Variants in STOX2 observed in about 807,000 individuals in gnomAD.
STOX2 encodes storkhead-box protein 2.
In STOX2, 28 loss-of-function variants were observed where a neutral mutation model predicts 60.9. The observed-to-expected ratio is 0.46, with a 90% CI of 0.34 to 0.63. The LOEUF (loss-of-function observed/expected upper bound fraction) is 0.63. Ranked by LOEUF, STOX2 falls within the 30% of genes least tolerant of loss-of-function variation. The pLI, the probability that STOX2 is intolerant of heterozygous loss-of-function variation, is 0.01. For synonymous variants in STOX2, 472 were observed against 463.9 expected (o/e 1.02, Z -0.22); for missense variants, 1,024 against 1,187.7 (o/e 0.86, Z 2.03).
intron 1 of STOX2, among the ~76,000 whole-genome samples, chr4:183,833,044 T>C (rs903039612): frequency 6.6e-6 from 1 of 152,252 alleles, no homozygotes; most frequent in African/African-American, 2.4e-5. Flanking sequence ...TTACCAAATA[T>C]GGATTATCCA....
intron 1 of STOX2, among the ~76,000 whole-genome samples, chr4:183,951,249 C>A (rs918292864): frequency 2.7e-5 from 4 of 150,108 alleles, no homozygotes; most frequent in African/African-American, 9.8e-5. Context: ...GACAGTAGTG[C>A]AAAGGCTTTG....
chr4:183,937,304 A>T (rs568621811), intron 1 of STOX2, among the ~76,000 whole-genome samples: 1 of 152,214 alleles, frequency 6.6e-6, no homozygotes, highest in Admixed American at 6.5e-5. Context: ...CTCCTAGTTA[A>T]TGTCAGTTTC....
chr4:183,972,317 G>T (rs1743767704), intron 1 of STOX2, among the ~76,000 whole-genome samples: 1 of 152,154 alleles, frequency 6.6e-6, no homozygotes, highest in African/African-American at 2.4e-5. Flanking sequence ...GGCTGAGCAA[G>T]GCAACTAAAC....
At chr4:183,872,293 T>A (rs1194390488) in intron 1 of STOX2, among the ~76,000 whole-genome samples, 1 of 152,174 alleles carries the variant, frequency 6.6e-6, no homozygotes, top group African/African-American at 2.4e-5. Flanking sequence ...TGACCTCAGG[T>A]GATCCTCCTG....
chr4:183,852,151 GA>G (rs1740160225), intron 1 of STOX2, among the ~76,000 whole-genome samples: 1 of 146,130 alleles, frequency 6.8e-6, no homozygotes, highest in Admixed American at 6.7e-5. Context: ...GAAAGGATGA[GA>G]GAAAGGATGA....
chr4:183,858,410 T>G (rs536912133), intron 1 of STOX2, among the ~76,000 whole-genome samples: 10 of 152,336 alleles, frequency 6.6e-5, no homozygotes, highest in African/African-American at 1.9e-4. Context: ...TCTGCTGTCG[T>G]TGCGCTCAGC....
chr4:183,999,747 C>T (rs139389648), intron 1 of STOX2, among the ~76,000 whole-genome samples: 60 of 152,270 alleles, frequency 3.9e-4, no homozygotes, highest in African/African-American at 1.4e-3. Flanking sequence ...CTCTCCTAGC[C>T]CATCAAAGCA....
Position 184,010,870 on chromosome 4 carries a change from G to A in STOX2, c.2032G>A (p.Gly678Arg), listed in dbSNP as rs370265374. The change falls in exon 3 of 4, where the codon GGA becomes AGA. Residue 678 changes from glycine (G) to arginine (R), a missense_variant. Gly to Arg is a moderately radical substitution (Grantham distance 125, BLOSUM62 -2). Transcript: ENST00000308497. The surrounding 1 kb of genome is among the most constrained non-coding windows in gnomAD (Gnocchi z 4.5). Reference sequence around the variant, plus strand: ...AGGAGTGGCTGAAGGGATCGCCAACGGACGCCTCGTCCAGCACCATGGTGC... The same window carrying A: ...AGGAGTGGCTGAAGGGATCGCCAACAGACGCCTCGTCCAGCACCATGGTGC... ...SGGVAEGIANGRLVQHHGAEP... is the reference protein window; with the variant it reads ...SGGVAEGIANRRLVQHHGAEP... The A allele has an allele frequency of 1.5e-5, 24 of 1,610,034 alleles. No individual in the cohort carries two copies. Among genetic ancestry groups the A allele is most frequent in the African/African-American group, 2.7e-5 (2 of 74,980 alleles).
At chr4:183,956,401 TATCTATCA>T (rs1200391100) in intron 1 of STOX2, among the ~76,000 whole-genome samples, 1 of 141,546 alleles carries the variant, frequency 7.1e-6, no homozygotes, top group Non-Finnish European at 1.5e-5. Context: ...TCTATCTATC[TATCTATCA>T]CCTATCTGTC....
intron 1 of STOX2, among the ~76,000 whole-genome samples, chr4:183,915,304 T>C (rs1339249493): frequency 2.0e-5 from 3 of 152,226 alleles, no homozygotes; most frequent in Non-Finnish European, 4.4e-5. Flanking sequence ...TTGGTTCCCC[T>C]AAGAGAGCTA....
At chr4:183,855,182 G>A (rs930168418) in intron 1 of STOX2, among the ~76,000 whole-genome samples, 1 of 152,196 alleles carries the variant, frequency 6.6e-6, no homozygotes, top group African/African-American at 2.4e-5. Flanking sequence ...GAAATCACAC[G>A]CATTACTTTG....
intron 1 of STOX2, among the ~76,000 whole-genome samples, chr4:183,838,838 G>A (rs1739778526): frequency 6.6e-6 from 1 of 152,200 alleles, no homozygotes; most frequent in Admixed American, 6.5e-5. Flanking sequence ...CCTCCTCCAC[G>A]TGGTTACACA....
intron 1 of STOX2, among the ~76,000 whole-genome samples, chr4:183,937,136 G>A (rs993646162): frequency 2.0e-5 from 3 of 152,206 alleles, no homozygotes; most frequent in African/African-American, 7.2e-5. Context: ...CTTTGGTGAG[G>A]TACATTCATT....
intron 1 of STOX2, among the ~76,000 whole-genome samples, chr4:183,966,876 A>C (rs1304192229): frequency 1.3e-5 from 2 of 152,178 alleles, no homozygotes; most frequent in Non-Finnish European, 2.9e-5. Context: ...GCTATTATAT[A>C]ATCTGTCATT....
At chr4:183,943,596 G>A (rs530808473) in intron 1 of STOX2, among the ~76,000 whole-genome samples, 1 of 152,202 alleles carries the variant, frequency 6.6e-6, no homozygotes, top group Non-Finnish European at 1.5e-5. Context: ...AGAAATAGAA[G>A]TGCAGAATCA....
intron 1 of STOX2, among the ~76,000 whole-genome samples, chr4:183,954,488 C>T (rs561864205): frequency 1.3e-5 from 2 of 152,038 alleles, no homozygotes; most frequent in African/African-American, 4.8e-5. Flanking sequence ...CGGGGTTTCA[C>T]CATGTTGGCC....
At position 183,930,502 on chromosome 4, in the gene STOX2, T is replaced by C. The variant is rs577018726; in HGVS notation, c.166+23546T>C. 2.0e-4 allele frequency among the ~76,000 whole-genome samples: 18 copies of C among 88,472 alleles called. No homozygotes were observed. In the African/African-American group the frequency reaches 3.0e-3, roughly 15 times the overall value. 58.0% of individuals were successfully genotyped at this position (88,472 alleles called of 152,430 possible). ...CTACAGGTGTGTGCCACCATGCCCC[T>C]TTTTTTTTTGTTTTTTGTTTTTTTT... On this transcript the variant is annotated intron_variant, in intron 1 of 3. Transcript: ENST00000308497.
rs577958149 is a variant in STOX2, at chr4:183,882,507, T to C, written c.364+84452T>C. On this transcript the variant is annotated intron_variant, in intron 1 of 2. Coordinates refer to the STOX2 transcript ENST00000513034. ...CTTCATTCTATCCCAATTTTGAGTATACCTTTAGCTGCATTAAGTGGAACA... is the reference window on the plus strand; with the variant it reads ...CTTCATTCTATCCCAATTTTGAGTACACCTTTAGCTGCATTAAGTGGAACA... 1.1e-4 allele frequency among the ~76,000 whole-genome samples: 17 copies of C among 152,342 alleles called. No individual in the cohort carries two copies. The South Asian group carries it at 3.1e-3, about 28-fold the overall frequency.
intron 1 of STOX2, among the ~76,000 whole-genome samples, chr4:183,939,407 A>G (rs1742688107): frequency 6.6e-6 from 1 of 152,168 alleles, no homozygotes; most frequent in Non-Finnish European, 1.5e-5. Flanking sequence ...TTCTGTCTCT[A>G]TGAAAACACC....
Sources: allele counts gnomAD v4.1 joint callset (sites outside exome capture counted in the v4.1 genomes callset), GRCh38; gene constraint gnomAD v4.1.1; non-coding constraint Gnocchi (gnomAD v3.1); transcripts MANE v1.5; gene names NCBI Gene and HGNC (gene_info 2026-07-23, HGNC 2026-07-21).